Variants in NRL observed in about 807,000 individuals in gnomAD.
NRL encodes neural retina leucine zipper, also known as neural retina-specific leucine zipper protein.
In NRL, 16 loss-of-function variants were observed where a neutral mutation model predicts 12.5. The ratio of observed to expected loss-of-function variants is 1.28; its 90% CI spans 0.87 to 1.95. The LOEUF is 1.95. Ranked by LOEUF, NRL falls within the 30% of genes most tolerant of loss-of-function variation. The pLI is 0.00. For missense variants in NRL, 314 were observed against 325.8 expected, an observed-to-expected ratio of 0.96 and a Z score of 0.28; for synonymous variants, 142 against 150.9, an observed-to-expected ratio of 0.94 and a Z score of 0.43.
At chr14:24,099,571 C>T (rs759487430) in intron 1 of NRL, 1 of 1,595,984 alleles carries the variant, frequency 6.3e-7, no homozygotes, top group Non-Finnish European at 8.5e-7. Flanking sequence ...CTGGGCATCA[C>T]CAGCCCTGCA....
chr14:24,098,912 G>A (rs577433097), intron 1 of NRL: 2 of 753,720 alleles, frequency 2.7e-6, no homozygotes, highest in African/African-American at 3.5e-5. Flanking sequence ...TGGTTATTAT[G>A]AGGTGGGGGG....
Position 24,081,512 on chromosome 14 carries a change from G to A in NRL, c.438C>T (p.Asn146=), listed in dbSNP as rs1351664428. Residue 146 remains asparagine, a synonymous_variant, in exon 3 of 3, where the codon AAC becomes AAT. Transcript: ENST00000561028. The surrounding 1 kb of genome is among the most constrained non-coding windows in gnomAD (Gnocchi z 4.4). ...ALVSMSVREL[N]RQLRGCGRDE... is the part of the protein sequence containing the mutation. ...CGCGCCCGCAGCCCCGCAGCTGCCG[G>A]TTTAGCTCCCGCACAGACATCGAGA... The A allele has an allele frequency of 3.1e-6, 5 of 1,603,140 alleles. No individual in the cohort carries two copies. Among genetic ancestry groups the A allele is most frequent in the Non-Finnish European group, 4.2e-6 (5 of 1,176,488 alleles).
intron 1 of NRL, chr14:24,098,141 TG>T (rs1329796129): frequency 2.8e-6 from 4 of 1,429,956 alleles, no homozygotes; most frequent in Admixed American, 2.3e-5. Context: ...CTTGAAAAAG[TG>T]GGTCTAGGGA....
Position 24,094,891 on chromosome 14 carries a change from T to C in NRL, c.-27-12016A>G, listed in dbSNP as rs1042616265. 1.6e-6 allele frequency: 2 copies of C among 1,255,778 alleles called. No homozygotes were observed. 77.8% of individuals were successfully genotyped at this position (1,255,778 alleles called of 1,614,324 possible). A position where few individuals can be genotyped will look rare whatever the true frequency, so the allele number is the denominator to read the frequency against. ...TAAGCTCAGAGCCCCCTAAAGAAGGTGGAAGGTTAAATATCCATTCCCGGC... is the reference window on the plus strand; with the variant it reads ...TAAGCTCAGAGCCCCCTAAAGAAGGCGGAAGGTTAAATATCCATTCCCGGC... On this transcript the variant is annotated intron_variant, in intron 1 of 2. Coordinates refer to ENST00000561028, the MANE Select transcript of NRL (RefSeq NM_001354768.3). The surrounding 1 kb of genome is among the most constrained non-coding windows in gnomAD (Gnocchi z 4.1).
chr14:24,091,385 G>A (rs2036628418), intron 1 of NRL, among the ~76,000 whole-genome samples: 1 of 152,122 alleles, frequency 6.6e-6, no homozygotes, highest in African/African-American at 2.4e-5. Flanking sequence ...TAATTTGAGT[G>A]CAGATGCCCA....
intron 1 of NRL, among the ~76,000 whole-genome samples, chr14:24,110,114 T>A (rs2037395984): frequency 6.6e-6 from 1 of 152,008 alleles, no homozygotes; most frequent in African/African-American, 2.4e-5. Context: ...CTGGGTATTA[T>A]TATACTTTTT....
intron 1 of NRL, among the ~76,000 whole-genome samples, chr14:24,106,134 G>A (rs1361564012): frequency 6.6e-6 from 1 of 152,178 alleles, no homozygotes; most frequent in African/African-American, 2.4e-5. Context: ...AGAGTAATCA[G>A]GAAAACAGTG....
intron 1 of NRL, chr14:24,084,527 A>T: frequency 3.0e-6 from 3 of 985,430 alleles, no homozygotes; most frequent in Non-Finnish European, 2.4e-6. Context: ...CACTTCAGAA[A>T]TGGCCGAGAG....
chr14:24,097,590 A>AT (rs200681299), intron 1 of NRL, among the ~76,000 whole-genome samples: 223 of 137,838 alleles, frequency 1.6e-3, no homozygotes, highest in African/African-American at 4.8e-3. Flanking sequence ...AGAAACTGGG[A>AT]TTTTTTTTTT....
At chr14:24,100,228 G>A (rs1388080384) in intron 1 of NRL, 1 of 1,613,804 alleles carries the variant, frequency 6.2e-7, no homozygotes, top group Non-Finnish European at 8.5e-7. Flanking sequence ...GTGCGGTGGG[G>A]AAGGTGTGGC....
intron 1 of NRL, chr14:24,084,574 C>T (rs2036418945): frequency 3.0e-6 from 3 of 985,456 alleles, no homozygotes; most frequent in South Asian, 9.4e-5. Context: ...GGCACAGCTT[C>T]CCAGGAGACT....
At position 24,103,216 on chromosome 14, in the gene NRL, G is replaced by A. The variant is rs61737097; in HGVS notation, c.-28+11506C>T. 44 of 1,613,914 alleles carry A rather than the reference G, an allele frequency of 2.7e-5. No homozygotes were observed. Among genetic ancestry groups the A allele is most frequent in the Admixed American group, 1.0e-4 (6 of 59,998 alleles). The stretch of plus-strand genomic sequence containing the variant: ...GCGTCATGGGGTGTTTGTGGGCAGC[G>A]CCATGCGCTCTGAGTCCACTGCTGC... On this transcript the variant is annotated intron_variant, in intron 1 of 2. Coordinates refer to ENST00000561028, the MANE Select transcript of NRL (RefSeq NM_001354768.3).
rs1472789510 is a variant in NRL, at chr14:24,097,839, C to A, written c.-27-14964G>T. Among the ~76,000 whole-genome samples the A allele has an allele frequency of 2.0e-5, 3 of 152,156 alleles. No individual in the cohort carries two copies. The East Asian group carries it at 5.8e-4, about 29-fold the overall frequency. ...AAACTCCTAACCTCAAGTGATCCAC[C>A]CACCTCAGCCTCCCAAAGTGCTGGG... On this transcript the variant is annotated intron_variant, in intron 1 of 2. Transcript: ENST00000561028.
rs746552901 is a variant in NRL at position 24,082,498 on chromosome 14, G to A, written c.351C>T (p.Ser117=). The change falls in exon 2 of 3, where the codon AGC becomes AGT. Residue 117 remains serine, a synonymous_variant. Coordinates refer to ENST00000561028, the MANE Select transcript of NRL (RefSeq NM_001354768.3). Reference sequence around the variant, plus strand: ...CGTGCTGGGCTCCTGTCTCCTCTGGGCTCCCTGGGTAGTAGCCATGGGGCC... The same window carrying A: ...CGTGCTGGGCTCCTGTCTCCTCTGGACTCCCTGGGTAGTAGCCATGGGGCC... ...VDGPHGYYPG[S]PEETGAQHVQ... is the part of the protein sequence containing the mutation. 1.9e-6 allele frequency: 3 copies of A among 1,612,964 alleles called. No individual in the cohort carries two copies. Among genetic ancestry groups the A allele is most frequent in the Non-Finnish European group, 2.5e-6 (3 of 1,180,030 alleles).
chr14:24,091,030 T>G (rs1048226259), intron 1 of NRL, among the ~76,000 whole-genome samples: 1 of 152,108 alleles, frequency 6.6e-6, no homozygotes, highest in East Asian at 1.9e-4. Context: ...AACTACAGTA[T>G]AGTAAAGTAC....
chr14:24,082,470 G>T lies in NRL; in HGVS notation c.379C>A (p.Gln127Lys). The T allele has an allele frequency of 6.2e-7, 1 of 1,612,392 alleles. No individual in the cohort carries two copies. The highest frequency in any genetic ancestry group is 8.5e-7 in the Non-Finnish European group (1 of 1,180,036). The change falls in exon 2 of 3, where the codon CAG becomes AAG. Residue 127 changes from glutamine (Q) to lysine (K), a missense_variant and splice_region_variant. By Grantham distance (53) the Gln-to-Lys change is moderately conservative (BLOSUM62 1). Transcript: ENST00000561028. The stretch of plus-strand genomic sequence containing the variant: ...AGGCCAGCTTGCTGACCACTCACCT[G>T]GACGTGCTGGGCTCCTGTCTCCTCT... ...SPEETGAQHV[Q>K]LAERFSDAAL...
chr14:24,092,175 C>T (rs1280204926), intron 1 of NRL, among the ~76,000 whole-genome samples: 1 of 152,148 alleles, frequency 6.6e-6, no homozygotes, highest in Non-Finnish European at 1.5e-5. Context: ...GATTTGCATG[C>T]ACAGTGTGGG....
In NRL at chr14:24,114,883, A is replaced by G; in HGVS notation, c.-189T>C. ...CGCAGTGGCGGCAGTCGGTGTAAAC[A>G]AGGCCTCGCGCCGCTGCGGGTCCTG... On this transcript the variant is annotated 5_prime_UTR_variant, in exon 1 of 3. Coordinates refer to ENST00000561028, the MANE Select transcript of NRL (RefSeq NM_001354768.3). 1.0e-6 allele frequency: 1 copy of G among 985,910 alleles called. No homozygotes were observed. Among genetic ancestry groups the G allele is most frequent in the South Asian group, 4.7e-5 (1 of 21,304 alleles). 61.1% of individuals were successfully genotyped at this position (985,910 alleles called of 1,614,324 possible).
chr14:24,109,853 A>G (rs1001205680), intron 1 of NRL, among the ~76,000 whole-genome samples: 1 of 152,242 alleles, frequency 6.6e-6, no homozygotes, highest in African/African-American at 2.4e-5. Flanking sequence ...TGTTTTACTC[A>G]ATAATGTACA....
Sources: gnomAD v4.1 joint callset for allele counts (sites outside exome capture counted in the v4.1 genomes callset) on GRCh38, gnomAD v4.1.1 for gene constraint, Gnocchi (gnomAD v3.1) non-coding constraint, MANE v1.5 for transcripts, NCBI Gene and HGNC (gene_info 2026-07-23, HGNC 2026-07-21) for gene names.